Variants in SYNPO2 observed in about 807,000 individuals in gnomAD.
SYNPO2 encodes the protein synaptopodin 2, also known as synaptopodin-2.
SYNPO2 carries 56 observed loss-of-function variants against 85.0 expected under a neutral mutation model. That is an observed-to-expected ratio of 0.66 (90% CI 0.53 to 0.82). The LOEUF (loss-of-function observed/expected upper bound fraction) is 0.82. Ranked by LOEUF, SYNPO2 falls within the 40% of genes least tolerant of loss-of-function variation. SYNPO2 has a pLI of 0.00. For missense variants in SYNPO2, 1,575 were observed against 1,534.2 expected (o/e 1.03, Z -0.44); for synonymous variants, 602 against 591.1 (o/e 1.02, Z -0.27).
At chr4:119,003,944 C>T (rs1185650407) in intron 1 of SYNPO2, among the ~76,000 whole-genome samples, 2 of 152,088 alleles carry the variant, frequency 1.3e-5, no homozygotes, top group Admixed American at 6.5e-5. Flanking sequence ...TTCATTTCAC[C>T]CCTTATTTTC....
chr4:118,879,920 A>C (rs116522792), intron 1 of SYNPO2, among the ~76,000 whole-genome samples: 1 of 151,294 alleles, frequency 6.6e-6, no homozygotes, highest in Non-Finnish European at 1.5e-5. Context: ...TGTCAGCAGC[A>C]TGGAGGTCTG....
At position 119,030,602 on chromosome 4, in the gene SYNPO2, G is replaced by C. The variant is rs775109542; in HGVS notation, c.1827G>C (p.Met609Ile). The change falls in exon 4 of 5, where the codon ATG (methionine) becomes ATC (isoleucine). Residue 609 changes from methionine (M) to isoleucine (I), a missense_variant. By Grantham distance (10) the Met-to-Ile change is conservative. Around this residue, in one of 3 missense-constraint regions of SYNPO2, gnomAD observed 1,508 missense variants for 1,446.8 expected, o/e 1.04. Transcript: ENST00000307142. ...PATPFSPTRN[M>I]TSPIADFPAP... is the part of the protein sequence containing the mutation. Reference sequence around the variant, plus strand: ...CCCCCTTCTCGCCAACCCGAAACATGACGAGTCCCATTGCTGACTTTCCTG... The same window carrying C: ...CCCCCTTCTCGCCAACCCGAAACATCACGAGTCCCATTGCTGACTTTCCTG... 1.1e-5 allele frequency: 17 copies of C among 1,613,978 alleles called. No homozygotes were observed. The highest frequency in any genetic ancestry group is 2.2e-5 in the East Asian group (1 of 44,874).
In SYNPO2 at chr4:118,895,630, T is replaced by C. The variant is rs77805579; in HGVS notation, c.105+6489T>C. Among the ~76,000 whole-genome samples the C allele has an allele frequency of 4.7e-3, 719 of 152,290 alleles. 8 individuals carry two copies. The highest frequency in any genetic ancestry group is 0.016 in the African/African-American group (678 of 41,562). ...CCAGCTTTCTCCTGCTAGACTCTGGTTGAGTTTGGCCTTTCTGGGTAGGGC... is the reference window on the plus strand; with the variant it reads ...CCAGCTTTCTCCTGCTAGACTCTGGCTGAGTTTGGCCTTTCTGGGTAGGGC... On this transcript the variant is annotated intron_variant, in intron 1 of 4. Coordinates refer to ENST00000307142, the MANE Select transcript of SYNPO2 (RefSeq NM_133477.3).
At position 118,967,565 on chromosome 4, in the gene SYNPO2, A is replaced by T. The variant is rs1450967331; in HGVS notation, c.106-55865A>T. Among the ~76,000 whole-genome samples the T allele has an allele frequency of 2.0e-5, 3 of 152,146 alleles. No homozygotes were observed. The East Asian group carries it at 5.8e-4, about 29-fold the overall frequency. ...TGATGCTCTGCAGCTTCTTTGGCCA[A>T]CTCAACTAAAAGTGCAGTGGGGAAG... On this transcript the variant is annotated intron_variant, in intron 1 of 4. Transcript: ENST00000307142.
intron 1 of SYNPO2, among the ~76,000 whole-genome samples, chr4:118,983,055 A>ATT (rs70944823): frequency 4.6e-5 from 7 of 151,914 alleles, no homozygotes; most frequent in African/African-American, 1.7e-4. Flanking sequence ...TGCTTTCTGT[A>ATT]TTTTTTTGCA....
intron 1 of SYNPO2, 58 bp downstream of exon 1, chr4:118,889,199 C>A: frequency 6.7e-7 from 1 of 1,484,916 alleles, no homozygotes; most frequent in Non-Finnish European, 9.3e-7. Flanking sequence ...TGAAAGCAAC[C>A]TGCTGATGGT....
intron 1 of SYNPO2, among the ~76,000 whole-genome samples, chr4:118,988,792 C>T (rs1026127468): frequency 7.9e-5 from 12 of 152,094 alleles, no homozygotes; most frequent in South Asian, 2.1e-4. Flanking sequence ...AGCACAGTGC[C>T]GGCATCTCTG....
intron 1 of SYNPO2, among the ~76,000 whole-genome samples, chr4:119,021,661 G>A (rs1011888872): frequency 2.0e-5 from 3 of 152,172 alleles, no homozygotes; most frequent in Admixed American, 6.5e-5. Context: ...ATAATGCAAT[G>A]CAGAGACTAA....
chr4:118,989,646 C>T (rs1736338108), intron 1 of SYNPO2, among the ~76,000 whole-genome samples: 1 of 152,238 alleles, frequency 6.6e-6, no homozygotes, highest in South Asian at 2.1e-4. Context: ...GTCATATAGT[C>T]ATGCTTCCAT....
chr4:118,853,051 C>A (rs1221132488), intron 1 of SYNPO2, among the ~76,000 whole-genome samples: 1 of 152,122 alleles, frequency 6.6e-6, no homozygotes, highest in African/African-American at 2.4e-5. Flanking sequence ...CTTGAAAGCT[C>A]AAGTTTTATC....
intron 1 of SYNPO2, among the ~76,000 whole-genome samples, chr4:118,867,246 A>G (rs1731714472): frequency 6.6e-6 from 1 of 152,174 alleles, no homozygotes; most frequent in Non-Finnish European, 1.5e-5. Flanking sequence ...TACAGTATCT[A>G]ATATATTGAC....
At chr4:118,870,871 G>A (rs1181762941) in intron 1 of SYNPO2, among the ~76,000 whole-genome samples, 1 of 152,086 alleles carries the variant, frequency 6.6e-6, no homozygotes, top group Non-Finnish European at 1.5e-5. Flanking sequence ...TGCACATCCT[G>A]CATATGTATC....
In SYNPO2 at chr4:118,878,227, G is replaced by T. The variant is rs201644852; in HGVS notation, c.12+27287G>T. Among the ~76,000 whole-genome samples, 42 of 152,194 alleles carry T rather than the reference G, an allele frequency of 2.8e-4. No homozygotes were observed. The East Asian group carries it at 7.1e-3, about 26-fold the overall frequency. ...CTTGAGGGTGGAGGGTAGGTGAAGG[G>T]TGAGGATTGAAAAACCACCTATGCA... On this transcript the variant is annotated intron_variant, in intron 1 of 4. Transcript: ENST00000610556.
chr4:118,987,474 A>G (rs1192301815), intron 1 of SYNPO2, among the ~76,000 whole-genome samples: 1 of 152,196 alleles, frequency 6.6e-6, no homozygotes, highest in African/African-American at 2.4e-5. Context: ...GTTTGAGATC[A>G]GCATGGGCAA....
intron 1 of SYNPO2, among the ~76,000 whole-genome samples, chr4:118,981,458 G>C (rs1297344434): frequency 6.6e-6 from 1 of 152,166 alleles, no homozygotes; most frequent in African/African-American, 2.4e-5. Context: ...CCTCCTCCGT[G>C]CAACAATCCT....
Position 118,958,451 on chromosome 4 carries a change from A to G in SYNPO2, c.106-64979A>G, listed in dbSNP as rs536669825. Among the ~76,000 whole-genome samples, 4 of 152,268 alleles carry G rather than the reference A, an allele frequency of 2.6e-5. No homozygotes were observed. In the South Asian group the frequency reaches 8.3e-4, roughly 32 times the overall value. ...AAGAGTCCGTGATTTAACAAATTTC[A>G]TACTTGCTTGGGAGGCTTAAGGACC... On this transcript the variant is annotated intron_variant, in intron 1 of 4. Transcript: ENST00000307142.
At chr4:119,051,472 T>A (rs1048651259) in intron 4 of SYNPO2, among the ~76,000 whole-genome samples, 1 of 151,802 alleles carries the variant, frequency 6.6e-6, no homozygotes, top group Non-Finnish European at 1.5e-5. Flanking sequence ...ATTACAGGCG[T>A]GAGCCACCGC....
rs1739326281 is a variant in SYNPO2 at position 119,059,240 on chromosome 4, T to A, written c.*1306T>A. 6.6e-6 allele frequency: 1 copy of A among 152,218 alleles called. No individual in the cohort carries two copies. Among genetic ancestry groups the A allele is most frequent in the Non-Finnish European group, 1.5e-5 (1 of 68,046 alleles). The allele number at this position is 152,218 out of a possible 1,614,324, so 9.4% of individuals were successfully genotyped here. A position where few individuals can be genotyped will look rare whatever the true frequency, so the allele number is the denominator to read the frequency against. On this transcript the variant is annotated 3_prime_UTR_variant, in exon 5 of 5. Coordinates refer to ENST00000307142, the MANE Select transcript of SYNPO2 (RefSeq NM_133477.3). Reference sequence around the variant, plus strand: ...TGGAGTGAGGGTAGATGTGAAGATTTAAAACGATTGATGGATTTAAGGAAG... The same window carrying A: ...TGGAGTGAGGGTAGATGTGAAGATTAAAAACGATTGATGGATTTAAGGAAG...
chr4:119,039,212 T>C (rs972116921), intron 4 of SYNPO2, among the ~76,000 whole-genome samples: 5 of 152,074 alleles, frequency 3.3e-5, no homozygotes, highest in African/African-American at 9.7e-5. Context: ...CACTTTAAGA[T>C]GAGAAAATTG....
Sources: allele counts gnomAD v4.1 joint callset (sites outside exome capture counted in the v4.1 genomes callset), GRCh38; gene constraint gnomAD v4.1.1; regional missense constraint gnomAD v4.1.1; transcripts MANE v1.5; gene names NCBI Gene and HGNC (gene_info 2026-07-23, HGNC 2026-07-21).